The following SP4 variants were observed in gnomAD, a reference collection of about 807,000 sequenced individuals.
SP4 encodes the protein Sp4 transcription factor.
SP4 carries 19 observed loss-of-function variants against 72.8 expected under a neutral mutation model. That is an observed-to-expected ratio of 0.26 (90% CI 0.18 to 0.38). The LOEUF is 0.38. Among genes scored for constraint, SP4 ranks in the 10% least tolerant of loss-of-function variants. SP4 has a pLI of 1.00. For missense variants in SP4, 1,008 were observed against 926.3 expected, an observed-to-expected ratio of 1.09 and a Z score of -1.14; for synonymous variants, 395 against 333.1, an observed-to-expected ratio of 1.19 and a Z score of -2.02.
chr7:21,442,036 G>GTGT (rs1783271702), intron 3 of SP4, among the ~76,000 whole-genome samples: 2 of 31,088 alleles, frequency 6.4e-5, no homozygotes, highest in African/African-American at 2.3e-4. Flanking sequence ...GTGTGTGTGT[G>GTGT]TATTTTTTTT....
intron 3 of SP4, among the ~76,000 whole-genome samples, chr7:21,465,642 C>T (rs1784143948): frequency 6.6e-6 from 1 of 152,198 alleles, no homozygotes; most frequent in Non-Finnish European, 1.5e-5. Context: ...TTCCCTCTCT[C>T]CTACCCTAGA....
intron 3 of SP4, among the ~76,000 whole-genome samples, chr7:21,439,865 C>T (rs1342695466): frequency 2.0e-5 from 3 of 152,206 alleles, no homozygotes; most frequent in African/African-American, 4.8e-5. Flanking sequence ...ATTGTCACTG[C>T]ACTCCAGTCT....
rs1318257709 is a variant in SP4, at chr7:21,512,978, C to A, written c.*1709C>A. On this transcript the variant is annotated 3_prime_UTR_variant, in exon 6 of 6. Transcript: ENST00000222584. ...TTTATGTTTTAAAAAAGTATTTACA[C>A]AGAATCATAATCAGTGAAATTGACC... 1 of 152,608 alleles carries A rather than the reference C, an allele frequency of 6.6e-6. No individual in the cohort carries two copies. Among genetic ancestry groups the A allele is most frequent in the African/African-American group, 2.4e-5 (1 of 41,438 alleles). The allele number at this position is 152,608 out of a possible 1,614,324, so 9.5% of individuals were successfully genotyped here. A position where few individuals can be genotyped will look rare whatever the true frequency, so the allele number is the denominator to read the frequency against.
At chr7:21,504,840 G>A (rs540077725) in intron 5 of SP4, among the ~76,000 whole-genome samples, 2 of 152,334 alleles carry the variant, frequency 1.3e-5, no homozygotes, top group South Asian at 4.1e-4. Flanking sequence ...CAGCAGGGCT[G>A]TGGCAGCACT....
At chr7:21,434,816 C>A (rs1344051225) in intron 3 of SP4, among the ~76,000 whole-genome samples, 3 of 145,050 alleles carry the variant, frequency 2.1e-5, no homozygotes, top group Non-Finnish European at 4.5e-5. Flanking sequence ...CATGTGTAAT[C>A]ATTTTTTTTT....
intron 3 of SP4, among the ~76,000 whole-genome samples, chr7:21,438,836 C>A (rs1032570809): frequency 2.0e-5 from 3 of 152,180 alleles, no homozygotes; most frequent in Non-Finnish European, 2.9e-5. Context: ...CACTTAGTAA[C>A]CTTCTCAACT....
intron 3 of SP4, among the ~76,000 whole-genome samples, chr7:21,470,869 T>C (rs1784319781): frequency 6.6e-6 from 1 of 151,696 alleles, no homozygotes; most frequent in African/African-American, 2.4e-5. Flanking sequence ...AGAACGGCCA[T>C]CCTCAGTCTG....
chr7:21,494,534 T>C (rs7811417), intron 5 of SP4, among the ~76,000 whole-genome samples: 105,295 of 152,050 alleles, frequency 0.69, 36,673 homozygotes, highest in African/African-American at 0.77. Context: ...ATTTGTAATA[T>C]GATGAAAACA....
intron 3 of SP4, among the ~76,000 whole-genome samples, chr7:21,459,371 A>G (rs1304339061): frequency 6.6e-6 from 1 of 152,104 alleles, no homozygotes; most frequent in Non-Finnish European, 1.5e-5. Context: ...CACCTGCCTC[A>G]GCCTCCTAAA....
intron 5 of SP4, among the ~76,000 whole-genome samples, chr7:21,493,272 A>G (rs1785025504): frequency 6.6e-6 from 1 of 152,212 alleles, no homozygotes; most frequent in South Asian, 2.1e-4. Flanking sequence ...AATATCTAGG[A>G]AATCCCTAAA....
intron 5 of SP4, among the ~76,000 whole-genome samples, chr7:21,509,475 T>TC (rs1782090044): frequency 6.6e-6 from 1 of 151,918 alleles, no homozygotes; most frequent in Admixed American, 6.6e-5. Flanking sequence ...ATTTTCCTTT[T>TC]TTTTTAATAC....
chr7:21,435,122 G>A (rs183353998), intron 3 of SP4, among the ~76,000 whole-genome samples: 259 of 152,210 alleles, frequency 1.7e-3, no homozygotes, highest in Middle Eastern at 0.01. Context: ...ACTTATTTTT[G>A]GCAGTAATCA....
Position 21,513,676 on chromosome 7 carries a change from T to C in SP4, c.*2407T>C, listed in dbSNP as rs1052973108. ...TTGTTAATACCAAGTATGAACACTC[T>C]GCATCATTATTCCATGAACCAGTTC... On this transcript the variant is annotated 3_prime_UTR_variant, in exon 6 of 6. Coordinates refer to ENST00000222584, the MANE Select transcript of SP4 (RefSeq NM_003112.5). 1 of 152,250 alleles carries C rather than the reference T, an allele frequency of 6.6e-6. No homozygotes were observed. The highest frequency in any genetic ancestry group is 2.4e-5 in the African/African-American group (1 of 41,464). The allele number at this position is 152,250 out of a possible 1,614,324, so 9.4% of individuals were successfully genotyped here. A position where few individuals can be genotyped will look rare whatever the true frequency, so the allele number is the denominator to read the frequency against.
In SP4 at chr7:21,477,101, A is replaced by T. The variant is rs141255806; in HGVS notation, c.1701A>T (p.Gly567=). 43 of 1,613,640 alleles carry T rather than the reference A, an allele frequency of 2.7e-5. No individual in the cohort carries two copies. The highest frequency in any genetic ancestry group is 3.6e-5 in the Non-Finnish European group (42 of 1,179,712). Residue 567 remains glycine (G), a synonymous_variant, in exon 4 of 6, where the codon GGA becomes GGT. Coordinates refer to ENST00000222584, the MANE Select transcript of SP4 (RefSeq NM_003112.5). ...TAGGTCAGCAGCAAGGACAAGATGG[A>T]GTAAAAGTCCAGCAAGCTACTATAG... The part of the protein sequence containing the change: ...SVAGQQQGQD[G]VKVQQATIAP...
In SP4 at chr7:21,428,186, T is replaced by TCCCCCCC; in HGVS notation, c.-65_-64insCCCCCCC. 2.0e-5 allele frequency: 6 copies of TCCCCCCC among 297,750 alleles called. No homozygotes were observed. The Admixed American group carries it at 2.1e-4, about 10-fold the overall frequency. The allele number at this position is 297,750 out of a possible 1,614,324, so 18.4% of individuals were successfully genotyped here. ...GGCGGGACCGGCCTCTCCTCCCGCC[T>TCCCCCCC]CGCCCCCACCCCCACCCACCTCTAT... On this transcript the variant is annotated 5_prime_UTR_variant, in exon 1 of 6. Coordinates refer to ENST00000222584, the MANE Select transcript of SP4 (RefSeq NM_003112.5).
intron 5 of SP4, chr7:21,482,910 C>T (rs1411850677): frequency 8.2e-6 from 2 of 243,824 alleles, no homozygotes; most frequent in Non-Finnish European, 1.3e-5. Flanking sequence ...AATTCATTCC[C>T]ATACTGTTTG....
chr7:21,442,228 G>T (rs938702983), intron 3 of SP4, among the ~76,000 whole-genome samples: 3 of 151,620 alleles, frequency 2.0e-5, no homozygotes, highest in Admixed American at 2.0e-4. Context: ...TAGCAGAGAG[G>T]GGAGTTTCGC....
At chr7:21,467,791 C>T (rs1235332207) in intron 3 of SP4, among the ~76,000 whole-genome samples, 4 of 152,016 alleles carry the variant, frequency 2.6e-5, no homozygotes, top group Non-Finnish European at 5.9e-5. Flanking sequence ...AGAAAAAATC[C>T]CACTGCCCCC....
intron 3 of SP4, among the ~76,000 whole-genome samples, chr7:21,460,211 G>T (rs1015461473): frequency 2.6e-5 from 4 of 152,218 alleles, no homozygotes; most frequent in African/African-American, 9.6e-5. Context: ...GACCCTTGCG[G>T]TGAGTGTTAA....
Sources: gnomAD v4.1 joint callset for allele counts (sites outside exome capture counted in the v4.1 genomes callset) on GRCh38, gnomAD v4.1.1 for gene constraint, MANE v1.5 for transcripts, NCBI Gene and HGNC (gene_info 2026-07-23, HGNC 2026-07-21) for gene names.